The following XPA variants were observed in gnomAD, a reference collection of about 807,000 sequenced individuals.
XPA encodes the protein XPA, DNA damage recognition and repair factor, also known as DNA repair protein complementing XP-A cells.
In XPA, 27 loss-of-function variants were observed where a neutral mutation model predicts 35.7. The ratio of observed to expected loss-of-function variants is 0.76; its 90% confidence interval spans 0.56 to 1.04. The LOEUF (loss-of-function observed/expected upper bound fraction) is 1.04. Ranked by LOEUF, XPA falls within the 50% of genes least tolerant of loss-of-function variation. The pLI is 0.00. For missense variants in XPA, 354 were observed against 342.7 expected, an observed-to-expected ratio of 1.03 and a Z score of -0.26; for synonymous variants, 133 against 118.4, an observed-to-expected ratio of 1.12 and a Z score of -0.80.
At chr9:97,671,222 A>G (rs1235422446), downstream of XPA, 5 of 1,507,764 alleles carry the variant, frequency 3.3e-6, no homozygotes, top group African/African-American at 1.4e-5. Flanking sequence ...CCTCATGTCA[A>G]GGTTTTTTTT....
chr9:97,670,536 C>CGA (rs148122383), downstream of XPA, among the ~76,000 whole-genome samples: 6,250 of 152,266 alleles, frequency 0.041, 449 homozygotes, highest in African/African-American at 0.14. Flanking sequence ...AGAAGTCACT[C>CGA]TAAGTTCAAT....
At chr9:97,676,026 T>C (rs1243410814) in intron 5 of XPA, 2 of 185,810 alleles carry the variant, frequency 1.1e-5, no homozygotes, top group Non-Finnish European at 2.3e-5. Flanking sequence ...AAGCATCAAG[T>C]CAAGCTTTGC....
At chr9:97,678,921 CT>C (rs1179635022) in intron 5 of XPA, among the ~76,000 whole-genome samples, 1 of 152,154 alleles carries the variant, frequency 6.6e-6, no homozygotes, top group Non-Finnish European at 1.5e-5. Flanking sequence ...GGGAAGCAGA[CT>C]TTTCTTCAAA....
At chr9:97,678,623 T>A (rs1266369070) in intron 5 of XPA, among the ~76,000 whole-genome samples, 1 of 152,210 alleles carries the variant, frequency 6.6e-6, no homozygotes, top group East Asian at 1.9e-4. Flanking sequence ...GCAGAAGGAA[T>A]GCTGGAATTA....
the XPA span, among the ~76,000 whole-genome samples, chr9:97,663,858 A>G: frequency 6.6e-6 from 1 of 151,922 alleles, no homozygotes; most frequent in Non-Finnish European, 1.5e-5. Flanking sequence ...GTGCTAGAGC[A>G]AAGCAAAGGG....
chr9:97,680,305 T>C (rs1828497643), intron 5 of XPA, among the ~76,000 whole-genome samples: 1 of 152,038 alleles, frequency 6.6e-6, no homozygotes, highest in African/African-American at 2.4e-5. Context: ...ACTTCCCAGG[T>C]TCAAGCAATT....
downstream of XPA, chr9:97,673,749 CA>C (rs1828267688): frequency 6.6e-6 from 1 of 152,156 alleles, no homozygotes; most frequent in South Asian, 2.1e-4. Context: ...TCAAAGTAAA[CA>C]TACTGTTTTC....
At chr9:97,657,924 ATATTTT>A in the XPA span, among the ~76,000 whole-genome samples, 680 of 119,422 alleles carry the variant, frequency 5.7e-3, 9 homozygotes, top group African/African-American at 0.023. Context: ...ATATATATAT[ATATTTT>A]TTTTTTTTTT....
At chr9:97,665,717 T>TG in the XPA span, among the ~76,000 whole-genome samples, 1 of 152,196 alleles carries the variant, frequency 6.6e-6, no homozygotes. Flanking sequence ...AGTTCACCCT[T>TG]GAACAACAAC....
the XPA span, chr9:97,668,931 C>A: frequency 5.6e-6 from 9 of 1,613,538 alleles, no homozygotes; most frequent in Non-Finnish European, 7.6e-6. Context: ...AAAGTGGAAT[C>A]TGCTCAGAGT....
chr9:97,690,314 G>A (rs1397080218), intron 2 of XPA, among the ~76,000 whole-genome samples: 2 of 152,180 alleles, frequency 1.3e-5, no homozygotes, highest in East Asian at 1.9e-4. Context: ...GGGTTCAAGC[G>A]ATTCTCCTGC....
In XPA at chr9:97,675,548, T is replaced by C. The variant is rs1355504770; in HGVS notation, c.713A>G (p.Glu238Gly). ...RAVRSSVWKR[E>G]TIVHQHEYGP... ...ATACTCATGTTGATGAACAATCGTC[T>C]CCCTTTTCCACACGCTGCTTCTTAC... The change falls in exon 6 of 6, where the codon GAG (glutamate) becomes GGG (glycine). Residue 238 changes from glutamate (E) to glycine (G), a missense_variant. Coordinates refer to ENST00000375128, the MANE Select transcript of XPA (RefSeq NM_000380.4). 1 of 1,613,902 alleles carries C rather than the reference T, an allele frequency of 6.2e-7. No individual in the cohort carries two copies. Among genetic ancestry groups the C allele is most frequent in the Middle Eastern group, 1.6e-4 (1 of 6,084 alleles).
the XPA span, chr9:97,663,004 A>G: frequency 6.2e-7 from 1 of 1,613,194 alleles, no homozygotes. Context: ...GGAAAGTTAC[A>G]TGTGCTAAGA....
the XPA span, chr9:97,656,156 T>C: frequency 8.1e-7 from 1 of 1,227,840 alleles, no homozygotes; most frequent in Non-Finnish European, 1.2e-6. Context: ...ACTTGTGATG[T>C]GTGTTCAGAA....
At chr9:97,693,886 C>A in intron 1 of XPA, 127 bp from the exon 2 acceptor site, 1 of 880,166 alleles carries the variant, frequency 1.1e-6, no homozygotes, top group Non-Finnish European at 1.8e-6. Context: ...ACAATCACTA[C>A]TTCTATTCAA....
chr9:97,657,926 ATTTTTT>A, the XPA span, among the ~76,000 whole-genome samples: 128 of 91,394 alleles, frequency 1.4e-3, 1 homozygote, highest in African/African-American at 4.9e-3. Context: ...ATATATATAT[ATTTTTT>A]TTTTTTTTTT....
chr9:97,681,997 T>C (rs1414501946), intron 5 of XPA, among the ~76,000 whole-genome samples: 1 of 152,076 alleles, frequency 6.6e-6, no homozygotes, highest in African/African-American at 2.4e-5. Flanking sequence ...CTGCCTTGTA[T>C]CTAACAAGGC....
At chr9:97,687,603 G>A (rs1828761123) in intron 3 of XPA, among the ~76,000 whole-genome samples, 1 of 152,144 alleles carries the variant, frequency 6.6e-6, no homozygotes, top group East Asian at 1.9e-4. Flanking sequence ...GGAGTGGTGG[G>A]AGATACAGTC....
intron 4 of XPA, among the ~76,000 whole-genome samples, chr9:97,686,482 C>A (rs1317813581): frequency 6.6e-6 from 1 of 152,082 alleles, no homozygotes; most frequent in East Asian, 1.9e-4. Flanking sequence ...TGAAATTTTT[C>A]TTTTTTTAAA....
Sources: gnomAD v4.1 joint callset for allele counts (sites outside exome capture counted in the v4.1 genomes callset) on GRCh38, gnomAD v4.1.1 for gene constraint, MANE v1.5 for transcripts, NCBI Gene and HGNC (gene_info 2026-07-23, HGNC 2026-07-21) for gene names.